The following SLC9A6 variants were observed in gnomAD, a reference collection of about 807,000 sequenced individuals.
SLC9A6 encodes the protein sodium/hydrogen exchanger 6.
A neutral mutation model predicts 45.3 loss-of-function variants in SLC9A6; 6 were observed. That is an observed-to-expected ratio of 0.13 (90% CI 0.07 to 0.26). The LOEUF is 0.26. Among genes scored for constraint, SLC9A6 ranks in the 10% least tolerant of loss-of-function variants. The pLI is 1.00. For synonymous variants in SLC9A6, 191 were observed against 187.7 expected (o/e 1.02, Z -0.14); for missense variants, 278 against 503.7 (o/e 0.55, Z 4.29).
intron 8 of SLC9A6, among the ~76,000 whole-genome samples, chrX:136,012,064 T>C (rs1556618733): frequency 2.7e-5 from 3 of 112,562 alleles, no homozygotes; most frequent in South Asian, 7.3e-4. Context: ...CACTCCAGCC[T>C]GGGCGACAGT....
intron 6 of SLC9A6, among the ~76,000 whole-genome samples, chrX:136,001,498 T>A (rs1484321702): frequency 5.4e-5 from 6 of 111,778 alleles, no homozygotes; most frequent in Non-Finnish European, 1.1e-4. Context: ...ATATAATTGC[T>A]TTCCTAAAAG....
chrX:135,996,455 G>A (rs1420698203), intron 3 of SLC9A6, among the ~76,000 whole-genome samples: 1 of 111,486 alleles, frequency 9.0e-6, no homozygotes, highest in Non-Finnish European at 1.9e-5. Flanking sequence ...TCTAGTTAAC[G>A]AAGTTTTAGC....
At chrX:135,983,861 T>C (rs1425887237), upstream of SLC9A6, 1 of 110,437 alleles carries the variant, frequency 9.1e-6, no homozygotes, top group Non-Finnish European at 1.9e-5. Flanking sequence ...CCTAGGTTTC[T>C]TGCTTCCACA....
rs150294207 is a variant in SLC9A6 at position 136,035,813 on chromosome X, G to A, written c.1661+2320G>A. Among the ~76,000 whole-genome samples, 513 of 110,940 alleles carry A rather than the reference G, an allele frequency of 4.6e-3. 1 individual carries two copies. Among genetic ancestry groups the A allele is most frequent in the Middle Eastern group, 0.014 (3 of 216 alleles). ...CTGTCACCCAGGCTGGAATGCAGTG[G>A]CACAATCTTGGCTCACTGCAACCTC... is the stretch of plus-strand genomic sequence containing the variant. On this transcript the variant is annotated intron_variant, in intron 16 of 17. Transcript: ENST00000630721.
At chrX:136,001,995 G>A in intron 6 of SLC9A6, 113 bp from the exon 7 acceptor site, 1 of 545,067 alleles carries the variant, frequency 1.8e-6, no homozygotes, top group Non-Finnish European at 3.3e-6. Context: ...TGTTTATTAG[G>A]ATTGAATTCT....
At chrX:135,991,853 A>G (rs1556615788) in intron 2 of SLC9A6, among the ~76,000 whole-genome samples, 4 of 107,634 alleles carry the variant, frequency 3.7e-5, no homozygotes, top group African/African-American at 1.4e-4. Flanking sequence ...CTCCTTCATC[A>G]GCTCCTTCTC....
At chrX:135,980,096 C>T (rs1020817318) in intron 1 of SLC9A6, among the ~76,000 whole-genome samples, 49 of 111,788 alleles carry the variant, frequency 4.4e-4, no homozygotes, top group African/African-American at 1.5e-3. Context: ...TTTTCTGTTG[C>T]CAAATTAATA....
chrX:136,007,268 G>A (rs1217331402), intron 7 of SLC9A6, among the ~76,000 whole-genome samples: 1 of 109,695 alleles, frequency 9.1e-6, no homozygotes, highest in African/African-American at 3.3e-5. Flanking sequence ...AGTGTCTGGG[G>A]GCATTTTGGC....
At chrX:135,996,761 T>TTTTTG (rs1427479723) in intron 3 of SLC9A6, among the ~76,000 whole-genome samples, 4 of 111,027 alleles carry the variant, frequency 3.6e-5, no homozygotes, top group African/African-American at 1.3e-4. Flanking sequence ...TTTTGTTTTT[T>TTTTTG]TTTGTTTGTT....
chrX:136,006,829 T>G (rs1556618048), intron 7 of SLC9A6, among the ~76,000 whole-genome samples: 1 of 111,301 alleles, frequency 9.0e-6, no homozygotes, highest in African/African-American at 3.3e-5. Context: ...AGATACATGC[T>G]AGGATCAGTA....
intron 17 of SLC9A6, among the ~76,000 whole-genome samples, chrX:136,043,998 T>C (rs1556623070): frequency 9.0e-6 from 1 of 111,622 alleles, no homozygotes; most frequent in African/African-American, 3.3e-5. Flanking sequence ...ACACACACAG[T>C]TATAGCTCAA....
intron 17 of SLC9A6, among the ~76,000 whole-genome samples, chrX:136,040,711 A>T (rs2071492570): frequency 8.9e-6 from 1 of 112,659 alleles, no homozygotes; most frequent in Non-Finnish European, 1.9e-5. Context: ...TTCCTTAGCT[A>T]CCAAAATGTG....
chrX:135,989,764 G>A (rs1556615402), intron 2 of SLC9A6, among the ~76,000 whole-genome samples: 1 of 111,841 alleles, frequency 8.9e-6, no homozygotes, highest in African/African-American at 3.2e-5. Context: ...TGCCAACTGG[G>A]AGAATCACAC....
chrX:136,002,179 G>A lies in SLC9A6; in HGVS notation c.709G>A (p.Val237Ile). Residue 237 changes from valine (V) to isoleucine (I), a missense_variant, in exon 7 of 18, where the codon GTC becomes ATC. Val to Ile is a conservative substitution (Grantham distance 29). Coordinates refer to ENST00000630721, the MANE Select transcript of SLC9A6 (RefSeq NM_001379110.1). ...CTATGCACTTCTTTTTGGTGAAAGT[G>A]TCCTCAATGATGCTGTTGCCATAGT... ...ELYALLFGES[V>I]LNDAVAIVLS... 2 of 1,202,219 alleles carry A rather than the reference G, an allele frequency of 1.7e-6. No individual in the cohort carries two copies. Among genetic ancestry groups the A allele is most frequent in the Non-Finnish European group, 2.3e-6 (2 of 886,867 alleles).
intron 17 of SLC9A6, among the ~76,000 whole-genome samples, chrX:136,043,303 C>T (rs1031873465): frequency 8.9e-6 from 1 of 112,151 alleles, no homozygotes; most frequent in Non-Finnish European, 1.9e-5. Context: ...AAGCAGTCCT[C>T]CTGCCTTAGC....
chrX:136,037,441 T>C (rs1200604502), intron 16 of SLC9A6, among the ~76,000 whole-genome samples: 2 of 112,903 alleles, frequency 1.8e-5, no homozygotes, highest in Admixed American at 9.3e-5. Context: ...AGTACACAGC[T>C]CTTGTACATT....
chrX:136,042,230 A>G (rs1364349381), intron 17 of SLC9A6, among the ~76,000 whole-genome samples: 2 of 107,667 alleles, frequency 1.9e-5, no homozygotes, highest in Non-Finnish European at 3.8e-5. Flanking sequence ...GCTGGAGTGC[A>G]GTGGCGCGAT....
intron 7 of SLC9A6, 156 bp from the exon 8 acceptor site, chrX:136,010,286 C>A: frequency 2.5e-6 from 1 of 396,308 alleles, no homozygotes. Flanking sequence ...AGATACATTG[C>A]AGGATTTTTG....
intron 8 of SLC9A6, among the ~76,000 whole-genome samples, chrX:136,011,084 G>A (rs2070911123): frequency 8.9e-6 from 1 of 112,015 alleles, no homozygotes; most frequent in Non-Finnish European, 1.9e-5. Flanking sequence ...AAGCCCAAAG[G>A]ACCTGAGTTG....
Sources: allele counts gnomAD v4.1 joint callset (sites outside exome capture counted in the v4.1 genomes callset), GRCh38; gene constraint gnomAD v4.1.1; transcripts MANE v1.5; gene names NCBI Gene and HGNC (gene_info 2026-07-23, HGNC 2026-07-21).